The following C1QTNF1 variants were observed in gnomAD, a reference collection of about 807,000 sequenced individuals.
C1QTNF1 encodes complement C1q tumor necrosis factor-related protein 1.
In C1QTNF1, 22 loss-of-function variants were observed where a neutral mutation model predicts 27.8. The ratio of observed to expected loss-of-function variants is 0.79; its 90% CI spans 0.56 to 1.13. The LOEUF (loss-of-function observed/expected upper bound fraction) is 1.13, where lower values mean the gene tolerates loss of function less well. Among genes scored for constraint, C1QTNF1 ranks in the 50% most tolerant of loss-of-function variants. The pLI is 0.00. For missense variants in C1QTNF1, 373 were observed against 380.2 expected, an observed-to-expected ratio of 0.98 and a Z score of 0.16; for synonymous variants, 166 against 154.3, an observed-to-expected ratio of 1.08 and a Z score of -0.56.
upstream of C1QTNF1, chr17:79,023,982 C>A (rs2071843807): frequency 6.6e-6 from 1 of 152,372 alleles, no homozygotes; most frequent in African/African-American, 2.4e-5. Context: ...CCCTCCGCCT[C>A]TGGACGGACC....
chr17:79,043,398 CATGTGA>C, intron 1 of C1QTNF1: 2 of 449,742 alleles, frequency 4.4e-6, no homozygotes, highest in South Asian at 1.6e-5. Context: ...CATGTATGTG[CATGTGA>C]GTGTGAGTGT....
chr17:79,037,221 C>T (rs1339401628), intron 1 of C1QTNF1, among the ~76,000 whole-genome samples: 1 of 152,142 alleles, frequency 6.6e-6, no homozygotes, highest in East Asian at 1.9e-4. Flanking sequence ...CCTCCGACTC[C>T]CTGGTTCAAG....
At chr17:79,043,877 C>T in intron 1 of C1QTNF1, 78 bp from the exon 2 acceptor site, 1 of 1,529,732 alleles carries the variant, frequency 6.5e-7, no homozygotes, top group Middle Eastern at 1.7e-4. Flanking sequence ...GGCTGTTTCT[C>T]TCCCCAATTT....
rs1443179504 is a variant in C1QTNF1, at chr17:79,047,791, C to T, written c.549C>T (p.Gly183=). 2 of 1,614,116 alleles carry T rather than the reference C, an allele frequency of 1.2e-6. No individual in the cohort carries two copies. The highest frequency in any genetic ancestry group is 2.7e-5 in the African/African-American group (2 of 74,938). ...ACGACCACTTCAACATGTTCACCGG[C>T]AAGTTCTACTGCTACGTGCCCGGCC... The part of the protein sequence containing the change: ...NLYDHFNMFT[G]KFYCYVPGLY... Residue 183 remains glycine, a synonymous_variant, in exon 4 of 4, where the codon GGC becomes GGT. Coordinates refer to ENST00000579760, the MANE Select transcript of C1QTNF1 (RefSeq NM_030968.5).
intron 1 of C1QTNF1, among the ~76,000 whole-genome samples, chr17:79,037,275 A>G (rs898704904): frequency 1.3e-5 from 2 of 151,972 alleles, no homozygotes; most frequent in Non-Finnish European, 2.9e-5. Context: ...GATTACAGGC[A>G]CGTGCCACCA....
upstream of C1QTNF1, among the ~76,000 whole-genome samples, chr17:79,023,240 G>T (rs1418556216): frequency 6.6e-6 from 1 of 152,196 alleles, no homozygotes; most frequent in Non-Finnish European, 1.5e-5. Flanking sequence ...GAGAGAACAG[G>T]GCAGAGGGGG....
intron 3 of C1QTNF1, chr17:79,047,040 C>A: frequency 3.2e-6 from 1 of 308,950 alleles, no homozygotes; most frequent in South Asian, 6.1e-5. Context: ...TTCTGAAATG[C>A]CACCTGCTCG....
intron 1 of C1QTNF1, among the ~76,000 whole-genome samples, chr17:79,043,084 G>A (rs2072458741): frequency 6.6e-6 from 1 of 150,562 alleles, no homozygotes; most frequent in Non-Finnish European, 1.5e-5. Flanking sequence ...GGTTGCATGT[G>A]TGTATGTGTG....
rs758961252 is a variant in C1QTNF1 at position 79,046,661 on chromosome 17, G to A, written c.262G>A (p.Ala88Thr). ...CGGTACCTCCATGTACCCGGCGACC[G>A]CCGTGCCCCAGATCAACATCACTAT... The part of the protein sequence containing the change: ...DPGTSMYPAT[A>T]VPQINITILK... Residue 88 changes from alanine (A) to threonine (T), a missense_variant, in exon 3 of 4, where the codon GCC becomes ACC. Coordinates refer to ENST00000579760, the MANE Select transcript of C1QTNF1 (RefSeq NM_030968.5). This position sits in a 1 kb window ranked among gnomAD's most constrained non-coding sequence, Gnocchi z 4.8. The A allele has an allele frequency of 2.2e-5, 36 of 1,614,102 alleles. No homozygotes were observed. Among genetic ancestry groups the A allele is most frequent in the Middle Eastern group, 1.7e-4 (1 of 6,060 alleles).
At chr17:79,023,158 G>C (rs1364957607), upstream of C1QTNF1, 1 of 152,158 alleles carries the variant, frequency 6.6e-6, no homozygotes, top group Non-Finnish European at 1.5e-5. Flanking sequence ...TGTTTGTCCA[G>C]AGACAGACCC....
In C1QTNF1 at chr17:79,046,844, G is replaced by A. The variant is rs2072588748; in HGVS notation, c.295+150G>A. 3.9e-6 allele frequency: 4 copies of A among 1,013,710 alleles called. No individual in the cohort carries two copies. The South Asian group carries it at 5.1e-5, about 13-fold the overall frequency. The allele number at this position is 1,013,710 out of a possible 1,614,324, so 62.8% of individuals were successfully genotyped here. On this transcript the variant is annotated intron_variant, in intron 3 of 3. Transcript: ENST00000579760. The surrounding 1 kb of genome is among the most constrained non-coding windows in gnomAD (Gnocchi z 4.8). ...AGGCAGGCAGGCTGTCATCTAGAGG[G>A]GAAGGCACAGGAAATTCTGATTTTG...
chr17:79,030,365 G>A (rs2072091116), intron 1 of C1QTNF1, among the ~76,000 whole-genome samples: 1 of 151,834 alleles, frequency 6.6e-6, no homozygotes, highest in Non-Finnish European at 1.5e-5. Context: ...GTGTGTGCCT[G>A]TATGTGCGTG....
chr17:79,048,306 A>G lies in C1QTNF1; in HGVS notation c.*218A>G. The G allele has an allele frequency of 1.8e-6, 1 of 566,192 alleles. No homozygotes were observed. Among genetic ancestry groups the G allele is most frequent in the Non-Finnish European group, 3.0e-6 (1 of 331,878 alleles). The allele number at this position is 566,192 out of a possible 1,614,324, so 35.1% of individuals were successfully genotyped here. ...ATCACCAGGGCGGGGCACCCGCGAG[A>G]ACCCTCTGGGACCTTCCGCGGCCCT... On this transcript the variant is annotated 3_prime_UTR_variant, in exon 4 of 4. Coordinates refer to ENST00000579760, the MANE Select transcript of C1QTNF1 (RefSeq NM_030968.5).
rs78033906 is a variant in C1QTNF1 at position 79,044,639 on chromosome 17, T to C, written c.155+516T>C. ...AGTGTCGGCTTCCCTTGAAAGGTTG[T>C]GAAGGACTCTGGATGGCCTTCGTGT... On this transcript the variant is annotated intron_variant, in intron 2 of 3. Transcript: ENST00000579760. Among the ~76,000 whole-genome samples, 167 of 152,262 alleles carry C rather than the reference T, an allele frequency of 1.1e-3. 2 individuals carry two copies. Among genetic ancestry groups the C allele is most frequent in the African/African-American group, 3.8e-3 (158 of 41,564 alleles).
At chr17:79,044,320 T>C (rs527413938) in intron 2 of C1QTNF1, among the ~76,000 whole-genome samples, 197 bp downstream of exon 2, 44 of 152,294 alleles carry the variant, frequency 2.9e-4, no homozygotes, top group African/African-American at 1.0e-3. Flanking sequence ...GCACCTCACC[T>C]GAAACTGCGG....
chr17:79,047,073 T>A (rs2072596576), intron 3 of C1QTNF1: 3 of 279,106 alleles, frequency 1.1e-5, no homozygotes, highest in Non-Finnish European at 2.0e-5. Context: ...ACACGGCAGA[T>A]AACCCTGCAC....
intron 1 of C1QTNF1, chr17:79,043,688 G>C (rs1486389966): frequency 1.8e-6 from 1 of 565,958 alleles, no homozygotes. Context: ...TGTGTTGAGT[G>C]TGTGCATGTG....
chr17:79,040,263 G>C (rs55744142), intron 1 of C1QTNF1, among the ~76,000 whole-genome samples: 25,704 of 152,132 alleles, frequency 0.17, 3,107 homozygotes, highest in African/African-American at 0.34. Flanking sequence ...AGTTTGAGAC[G>C]AGCCGGGGAA....
At chr17:79,032,395 G>A (rs2145897148) in intron 1 of C1QTNF1, among the ~76,000 whole-genome samples, 2 of 152,338 alleles carry the variant, frequency 1.3e-5, no homozygotes, top group African/African-American at 4.8e-5. Context: ...CACGCGGGGT[G>A]GGGAAGGGCC....
Sources: allele counts gnomAD v4.1 joint callset (sites outside exome capture counted in the v4.1 genomes callset), GRCh38; gene constraint gnomAD v4.1.1; non-coding constraint Gnocchi (gnomAD v3.1); transcripts MANE v1.5; gene names NCBI Gene and HGNC (gene_info 2026-07-23, HGNC 2026-07-21).